The following SH3RF3 variants were observed in gnomAD, a reference collection of about 807,000 sequenced individuals.
SH3RF3 encodes E3 ubiquitin-protein ligase SH3RF3.
In SH3RF3, 29 loss-of-function variants were observed where a neutral mutation model predicts 66.3. The ratio of observed to expected loss-of-function variants is 0.44; its 90% CI spans 0.33 to 0.60. The LOEUF is 0.60. SH3RF3 is among the 20% of genes least tolerant of loss of function. The pLI is 0.04. For synonymous variants in SH3RF3, 583 were observed against 532.0 expected (o/e 1.10, Z -1.32); for missense variants, 1,194 against 1,190.9 (o/e 1.00, Z -0.04).
chr2:109,142,052 G>GC (rs1052320747), intron 1 of SH3RF3, among the ~76,000 whole-genome samples: 10 of 151,486 alleles, frequency 6.6e-5, no homozygotes, highest in African/African-American at 2.4e-4. Context: ...CTGGGGGGGG[G>GC]GTCTCAGGTA....
At chr2:109,152,201 A>T (rs1201037799) in intron 1 of SH3RF3, among the ~76,000 whole-genome samples, 1 of 152,232 alleles carries the variant, frequency 6.6e-6, no homozygotes, top group Non-Finnish European at 1.5e-5. Context: ...ATAAATTATC[A>T]CAAAACTGTC....
chr2:109,400,258 CA>C (rs1399868950), intron 4 of SH3RF3, among the ~76,000 whole-genome samples: 4 of 151,638 alleles, frequency 2.6e-5, no homozygotes, highest in African/African-American at 9.7e-5. Flanking sequence ...GACACTTGAG[CA>C]CATGCCCGCC....
At chr2:109,492,269 C>A (rs1314412827) in intron 9 of SH3RF3, among the ~76,000 whole-genome samples, 1 of 152,210 alleles carries the variant, frequency 6.6e-6, no homozygotes, top group Non-Finnish European at 1.5e-5. Context: ...AGCTCTAAGA[C>A]TACACAAATT....
At chr2:109,299,501 C>A (rs1210516945) in intron 1 of SH3RF3, among the ~76,000 whole-genome samples, 4 of 152,054 alleles carry the variant, frequency 2.6e-5, no homozygotes, top group Non-Finnish European at 5.9e-5. Flanking sequence ...CCATGATGTA[C>A]CCCTAGGCCT....
rs763811912 is a variant in SH3RF3 at position 109,490,910 on chromosome 2, C to T, written c.2454C>T (p.Pro818=). The T allele has an allele frequency of 1.2e-5, 18 of 1,511,574 alleles. No individual in the cohort carries two copies. The highest frequency in any genetic ancestry group is 1.5e-5 in the Non-Finnish European group (17 of 1,130,416). 93.6% of individuals were successfully genotyped at this position (1,511,574 alleles called of 1,614,324 possible). Residue 818 remains proline, a synonymous_variant, in exon 9 of 10, where the codon CCC becomes CCT. Transcript: ENST00000309415. The stretch of plus-strand genomic sequence containing the variant: ...CGCTGTCCATGGCTGCCATCCGCCC[C>T]GAGCCCAAGCTGTTGCCCAGAGAGA... ...QAPLSMAAIR[P]EPKLLPRERY... is the part of the protein sequence containing the mutation.
At chr2:109,207,901 A>AT (rs1176724544) in intron 1 of SH3RF3, among the ~76,000 whole-genome samples, 2 of 152,048 alleles carry the variant, frequency 1.3e-5, no homozygotes, top group African/African-American at 2.4e-5. Flanking sequence ...CTGTATCATC[A>AT]TTTTCCCAGG....
chr2:109,244,113 C>T (rs1679853733), intron 1 of SH3RF3, among the ~76,000 whole-genome samples: 2 of 152,164 alleles, frequency 1.3e-5, no homozygotes, highest in Admixed American at 6.6e-5. Context: ...AATAGTTTTC[C>T]TTGAACTTAC....
chr2:109,436,470 C>T (rs372640847), intron 6 of SH3RF3, among the ~76,000 whole-genome samples: 84 of 152,308 alleles, frequency 5.5e-4, no homozygotes, highest in African/African-American at 1.9e-3. Context: ...AGGTGGCAGT[C>T]GTGCCCAGAG....
intron 1 of SH3RF3, among the ~76,000 whole-genome samples, chr2:109,343,642 AG>A (rs1682609525): frequency 6.6e-6 from 1 of 152,060 alleles, no homozygotes; most frequent in African/African-American, 2.4e-5. Flanking sequence ...CGAGCCCAGC[AG>A]GTGGGTTGGG....
chr2:109,343,170 C>A (rs1682596084), intron 1 of SH3RF3, among the ~76,000 whole-genome samples: 1 of 152,124 alleles, frequency 6.6e-6, no homozygotes, highest in Admixed American at 6.5e-5. Context: ...CAGCAGAAGT[C>A]TTTTCTCCCC....
intron 1 of SH3RF3, among the ~76,000 whole-genome samples, chr2:109,142,542 A>G (rs990677598): frequency 6.6e-5 from 10 of 152,078 alleles, no homozygotes; most frequent in African/African-American, 1.7e-4. Flanking sequence ...CCCAGGGACA[A>G]CGGGGCACTC....
chr2:109,239,225 A>C (rs1679722163), intron 1 of SH3RF3, among the ~76,000 whole-genome samples: 1 of 152,002 alleles, frequency 6.6e-6, no homozygotes, highest in Admixed American at 6.5e-5. Context: ...TGGGGTCCGT[A>C]AATACGGATG....
intron 3 of SH3RF3, among the ~76,000 whole-genome samples, chr2:109,372,598 G>T (rs980255141): frequency 1.3e-5 from 2 of 152,376 alleles, no homozygotes; most frequent in South Asian, 4.1e-4. Flanking sequence ...AAACAGAGGT[G>T]CAGAAAGGTA....
chr2:109,139,900 G>A (rs961432831), intron 1 of SH3RF3, among the ~76,000 whole-genome samples: 4 of 152,284 alleles, frequency 2.6e-5, no homozygotes, highest in African/African-American at 9.6e-5. Context: ...AAAAGGCAGC[G>A]CCACTGGGGC....
chr2:109,188,399 A>C (rs1045398174), intron 1 of SH3RF3, among the ~76,000 whole-genome samples: 28 of 152,300 alleles, frequency 1.8e-4, no homozygotes, highest in Middle Eastern at 6.8e-3. Flanking sequence ...GCTGCTGCTC[A>C]GCGGGGTCTG....
Position 109,177,556 on chromosome 2 carries a change from G to T in SH3RF3, c.573+47443G>T, listed in dbSNP as rs190858905. On this transcript the variant is annotated intron_variant, in intron 1 of 9. Coordinates refer to ENST00000309415, the MANE Select transcript of SH3RF3 (RefSeq NM_001099289.3). ...TGTGACTGTCACCTGCTCTGGGGGG[G>T]GGCACCATTCCTACAAAGTTAGTAT... 1.5e-3 allele frequency among the ~76,000 whole-genome samples: 221 copies of T among 152,086 alleles called. 1 individual carries two copies. Among genetic ancestry groups the T allele is most frequent in the African/African-American group, 4.5e-3 (185 of 41,492 alleles).
At chr2:109,188,825 C>T (rs889356264) in intron 1 of SH3RF3, among the ~76,000 whole-genome samples, 1 of 152,132 alleles carries the variant, frequency 6.6e-6, no homozygotes, top group Non-Finnish European at 1.5e-5. Flanking sequence ...ACTGTTCCTA[C>T]TTTCTAGGGT....
intron 8 of SH3RF3, among the ~76,000 whole-genome samples, chr2:109,488,345 A>G (rs1679034816): frequency 1.3e-5 from 2 of 152,152 alleles, no homozygotes; most frequent in African/African-American, 4.8e-5. Context: ...AGACATTGCC[A>G]CCTGTCCCCT....
Position 109,444,012 on chromosome 2 carries a change from C to G in SH3RF3, c.1829-5158C>G, listed in dbSNP as rs185415598. On this transcript the variant is annotated intron_variant, in intron 7 of 9. Coordinates refer to ENST00000309415, the MANE Select transcript of SH3RF3 (RefSeq NM_001099289.3). The stretch of plus-strand genomic sequence containing the variant: ...GGGCCATGATATTTTTAAGTTTCAG[C>G]ACATTTAAAGGGATTCAAGTCATGG... Among the ~76,000 whole-genome samples, 487 of 152,260 alleles carry G rather than the reference C, an allele frequency of 3.2e-3. 4 individuals are homozygous for G. The highest frequency in any genetic ancestry group is 0.011 in the African/African-American group (469 of 41,548).
Sources: gnomAD v4.1 joint callset for allele counts (sites outside exome capture counted in the v4.1 genomes callset) on GRCh38, gnomAD v4.1.1 for gene constraint, MANE v1.5 for transcripts, NCBI Gene and HGNC (gene_info 2026-07-23, HGNC 2026-07-21) for gene names.